Variants in NHLRC1 observed in about 807,000 individuals in gnomAD.
The protein encoded by NHLRC1 is E3 ubiquitin-protein ligase NHLRC1.
A neutral mutation model predicts 14.6 loss-of-function variants in NHLRC1; 10 were observed. The ratio of observed to expected loss-of-function variants is 0.69; its 90% CI spans 0.42 to 1.17. The LOEUF (loss-of-function observed/expected upper bound fraction) is 1.17. NHLRC1 is among the 50% of genes most tolerant of loss of function. NHLRC1 has a pLI of 0.00. For synonymous variants in NHLRC1, 231 were observed against 224.0 expected (o/e 1.03, Z -0.28); for missense variants, 526 against 522.9 (o/e 1.01, Z -0.06).
In NHLRC1 at chr6:18,121,664, A is replaced by G. The variant is rs762064606; in HGVS notation, c.943T>C (p.Tyr315His). The G allele has an allele frequency of 1.2e-6, 2 of 1,614,162 alleles. No homozygotes were observed. Among genetic ancestry groups the G allele is most frequent in the South Asian group, 1.1e-5 (1 of 91,086 alleles). Residue 315 changes from tyrosine to histidine, a missense_variant, in exon 1 of 1, where the codon TAC becomes CAC. Transcript: ENST00000340650. This position sits in a 1 kb window ranked among gnomAD's most constrained non-coding sequence, Gnocchi z 4.7. ...GAGGCAGTTATTTTGGAGGGAAAGT[A>G]GAGGCTCAGCCCAAAGGTATCCACT... ...GQVDTFGLSLYFPSKITASAV... is the reference protein window; with the variant it reads ...GQVDTFGLSLHFPSKITASAV...
At position 18,121,410 on chromosome 6, in the gene NHLRC1, C is replaced by T. The variant is rs981548932; in HGVS notation, c.*9G>A. 2.5e-6 allele frequency: 4 copies of T among 1,609,320 alleles called. No homozygotes were observed. The highest frequency in any genetic ancestry group is 3.4e-6 in the Non-Finnish European group (4 of 1,175,852). ...AGTGCTTCTGATTCCAGGGACCCAC[C>T]CCAGCCCATCACCCCCAGTCAACTT... On this transcript the variant is annotated 3_prime_UTR_variant, in exon 1 of 1. Coordinates refer to ENST00000340650, the MANE Select transcript of NHLRC1 (RefSeq NM_198586.3). The surrounding 1 kb of genome is among the most constrained non-coding windows in gnomAD (Gnocchi z 4.7).
rs1422730903 is a variant in NHLRC1 at position 18,121,498 on chromosome 6, G to T, written c.1109C>A (p.Thr370Asn). The change falls in exon 1 of 1, where the codon ACC becomes AAC. Residue 370 changes from threonine (T) to asparagine (N), a missense_variant. Thr to Asn is a moderately conservative substitution (Grantham distance 65, BLOSUM62 0). Transcript: ENST00000340650. This position sits in a 1 kb window ranked among gnomAD's most constrained non-coding sequence, Gnocchi z 4.7. The part of the protein sequence containing the change: ...THGLSHPVAL[T>N]FTKENSLLVL... The stretch of plus-strand genomic sequence containing the variant: ...AAGAAGAGAATTCTCCTTGGTGAAG[G>T]TAAGAGCCACAGGATGCGAAAGACC... The T allele has an allele frequency of 2.5e-6, 4 of 1,614,206 alleles. No homozygotes were observed. The highest frequency in any genetic ancestry group is 1.1e-5 in the South Asian group (1 of 91,084).
chr6:18,120,765 T>C lies in NHLRC1; in HGVS notation c.*654A>G, dbSNP rs1372712844. On this transcript the variant is annotated 3_prime_UTR_variant, in exon 1 of 1. Transcript: ENST00000340650. The stretch of plus-strand genomic sequence containing the variant: ...TGTTGTCTTATTTAAGCGCAACTTA[T>C]TTGGAATCAGAATTGAATTCAAATT... 1 of 153,272 alleles carries C rather than the reference T, an allele frequency of 6.5e-6. No individual in the cohort carries two copies. Among genetic ancestry groups the C allele is most frequent in the Non-Finnish European group, 1.5e-5 (1 of 68,784 alleles). 9.5% of individuals were successfully genotyped at this position (153,272 alleles called of 1,614,324 possible). A position where few individuals can be genotyped will look rare whatever the true frequency, so the allele number is the denominator to read the frequency against.
rs772440533 is a variant in NHLRC1, at chr6:18,122,286, G to C, written c.321C>G (p.Ala107=). 1 of 1,598,448 alleles carries C rather than the reference G, an allele frequency of 6.3e-7. No individual in the cohort carries two copies. The highest frequency in any genetic ancestry group is 1.1e-5 in the South Asian group (1 of 90,784). ...AGGTGAGGGCTCCGGGGGCGCTGGG[G>C]GCGGCGCGATGGGCGGCCGGGGACT... ...LRQSPAAHRA[A]PSAPGALTCH... Residue 107 remains alanine, a synonymous_variant, in exon 1 of 1, where the codon GCC becomes GCG. Coordinates refer to ENST00000340650, the MANE Select transcript of NHLRC1 (RefSeq NM_198586.3).
chr6:18,122,026 C>T lies in NHLRC1; in HGVS notation c.581G>A (p.Gly194Asp). 4 of 1,614,202 alleles carry T rather than the reference C, an allele frequency of 2.5e-6. No homozygotes were observed. The highest frequency in any genetic ancestry group is 3.4e-6 in the Non-Finnish European group (4 of 1,180,028). ...ATCAAACACTTTGATGGAGCGATCGCCGGCGTCAGTGACAACCACATGGCA... is the reference window on the plus strand; with the variant it reads ...ATCAAACACTTTGATGGAGCGATCGTCGGCGTCAGTGACAACCACATGGCA... ...NDCHVVVTDA[G>D]DRSIKVFDFF... The change falls in exon 1 of 1, where the codon GGC becomes GAC. Residue 194 changes from glycine (G) to aspartate (D), a missense_variant. Gly to Asp is a moderately conservative substitution (Grantham distance 94, BLOSUM62 -1). Transcript: ENST00000340650.
rs1429436949 is a variant in NHLRC1 at position 18,122,637 on chromosome 6, C to G, written c.-31G>C. On this transcript the variant is annotated 5_prime_UTR_variant, in exon 1 of 1. Transcript: ENST00000340650. ...GTCCTGTGCACTCCCGCCGCGCCGC[C>G]TGGCCGTGCCCCAGCGACGCTCTCG... The G allele has an allele frequency of 6.4e-7, 1 of 1,566,610 alleles. No individual in the cohort carries two copies. Among genetic ancestry groups the G allele is most frequent in the African/African-American group, 1.3e-5 (1 of 74,216 alleles).
chr6:18,122,300 C>T lies in NHLRC1; in HGVS notation c.307G>A (p.Ala103Thr), dbSNP rs568131096. The change falls in exon 1 of 1, where the codon GCC becomes ACC. Residue 103 changes from alanine to threonine, a missense_variant. Physicochemically the swap from Ala to Thr is moderately conservative, Grantham distance 58. Transcript: ENST00000340650. ...LGSALRQSPAAHRAAPSAPGA... is the reference protein window; with the variant it reads ...LGSALRQSPATHRAAPSAPGA... ...GGGGCGCTGGGGGCGGCGCGATGGGCGGCCGGGGACTGGCGAAGCGCTGAG... is the reference window on the plus strand; with the variant it reads ...GGGGCGCTGGGGGCGGCGCGATGGGTGGCCGGGGACTGGCGAAGCGCTGAG... 6.3e-7 allele frequency: 1 copy of T among 1,591,652 alleles called. No individual in the cohort carries two copies. Among genetic ancestry groups the T allele is most frequent in the Non-Finnish European group, 8.5e-7 (1 of 1,175,698 alleles).
chr6:18,122,007 C>T lies in NHLRC1; in HGVS notation c.600G>A (p.Val200=). The change falls in exon 1 of 1, where the codon GTG becomes GTA. Residue 200 remains valine, a synonymous_variant. Coordinates refer to ENST00000340650, the MANE Select transcript of NHLRC1 (RefSeq NM_198586.3). ...GCTTGATCTGGCCAAAAAAATCAAA[C>T]ACTTTGATGGAGCGATCGCCGGCGT... ...VTDAGDRSIK[V]FDFFGQIKLV... is the part of the protein sequence containing the mutation. 6.2e-7 allele frequency: 1 copy of T among 1,614,220 alleles called. No homozygotes were observed.
chr6:18,121,099 C>G lies in NHLRC1; in HGVS notation c.*320G>C. On this transcript the variant is annotated 3_prime_UTR_variant, in exon 1 of 1. Transcript: ENST00000340650. The surrounding 1 kb of genome is among the most constrained non-coding windows in gnomAD (Gnocchi z 4.7). ...GTGGAAGGACCACCTGAGCGGGGGA[C>G]GTTGAAACTGTAGTGAGCTGTGATC... is the stretch of plus-strand genomic sequence containing the variant. The G allele has an allele frequency of 2.9e-6, 1 of 343,386 alleles. No homozygotes were observed. Among genetic ancestry groups the G allele is most frequent in the Admixed American group, 4.4e-5 (1 of 22,524 alleles). The allele number at this position is 343,386 out of a possible 1,614,324, so 21.3% of individuals were successfully genotyped here.
In NHLRC1 at chr6:18,121,695, G is replaced by A. The variant is rs1413834379; in HGVS notation, c.912C>T (p.Val304=). The A allele has an allele frequency of 6.2e-7, 1 of 1,613,978 alleles. No homozygotes were observed. Among genetic ancestry groups the A allele is most frequent in the East Asian group, 2.2e-5 (1 of 44,898 alleles). ...TCAGCCCAAAGGTATCCACTTGGCC[G>A]ACAAGCTGCATACTTGAGCTAAACA... ...VKVFSSSMQL[V]GQVDTFGLSL... Residue 304 remains valine (V), a synonymous_variant, in exon 1 of 1, where the codon GTC becomes GTT. Coordinates refer to ENST00000340650, the MANE Select transcript of NHLRC1 (RefSeq NM_198586.3). This position sits in a 1 kb window ranked among gnomAD's most constrained non-coding sequence, Gnocchi z 4.7.
rs372993582 is a variant in NHLRC1, at chr6:18,121,531, A to T, written c.1076T>A (p.Val359Asp). ...PEEFPVPKPMVTHGLSHPVAL... is the reference protein window; with the variant it reads ...PEEFPVPKPMDTHGLSHPVAL... ...CACAGGATGCGAAAGACCATGAGTG[A>T]CCATGGGCTTCGGTACTGGAAACTC... is the stretch of plus-strand genomic sequence containing the variant. Residue 359 changes from valine (V) to aspartate (D), a missense_variant, in exon 1 of 1, where the codon GTC becomes GAC. Physicochemically the swap from Val to Asp is radical, Grantham distance 152 (BLOSUM62 -3). Coordinates refer to ENST00000340650, the MANE Select transcript of NHLRC1 (RefSeq NM_198586.3). The surrounding 1 kb of genome is among the most constrained non-coding windows in gnomAD (Gnocchi z 4.7). 19 of 1,613,974 alleles carry T rather than the reference A, an allele frequency of 1.2e-5. No homozygotes were observed. The highest frequency in any genetic ancestry group is 1.5e-5 in the Non-Finnish European group (18 of 1,179,956).
rs1783728606 is a variant in NHLRC1, at chr6:18,121,338, G to A, written c.*81C>T. 2.8e-6 allele frequency: 3 copies of A among 1,061,372 alleles called. No individual in the cohort carries two copies. The highest frequency in any genetic ancestry group is 4.3e-6 in the Non-Finnish European group (3 of 692,240). The allele number at this position is 1,061,372 out of a possible 1,614,324, so 65.7% of individuals were successfully genotyped here. A position where few individuals can be genotyped will look rare whatever the true frequency, so the allele number is the denominator to read the frequency against. ...TAATTATCCCTGCCTGGATAGATGAGTTTAAGTGACTTATCCAGGGTTAAA... is the reference window on the plus strand; with the variant it reads ...TAATTATCCCTGCCTGGATAGATGAATTTAAGTGACTTATCCAGGGTTAAA... On this transcript the variant is annotated 3_prime_UTR_variant, in exon 1 of 1. Transcript: ENST00000340650. This position sits in a 1 kb window ranked among gnomAD's most constrained non-coding sequence, Gnocchi z 4.7.
Position 18,121,087 on chromosome 6 carries a change from C to A in NHLRC1, c.*332G>T, listed in dbSNP as rs140122442. The A allele has an allele frequency of 2.3e-3, 717 of 318,634 alleles. 4 individuals carry two copies. The highest frequency in any genetic ancestry group is 0.022 in the Middle Eastern group (20 of 930). 19.7% of individuals were successfully genotyped at this position (318,634 alleles called of 1,614,324 possible). A position where few individuals can be genotyped will look rare whatever the true frequency, so the allele number is the denominator to read the frequency against. On this transcript the variant is annotated 3_prime_UTR_variant, in exon 1 of 1. Transcript: ENST00000340650. The surrounding 1 kb of genome is among the most constrained non-coding windows in gnomAD (Gnocchi z 4.7). ...TGGGAGGCTGAGGTGGAAGGACCAC[C>A]TGAGCGGGGGACGTTGAAACTGTAG...
Position 18,122,622 on chromosome 6 carries a change from C to T in NHLRC1, c.-16G>A. On this transcript the variant is annotated 5_prime_UTR_variant, in exon 1 of 1. It adds an upstream start codon to the 5' untranslated region. Transcript: ENST00000340650. Reference sequence around the variant, plus strand: ...CGGCCGCCATGGCGCGTCCTGTGCACTCCCGCCGCGCCGCCTGGCCGTGCC... The same window carrying T: ...CGGCCGCCATGGCGCGTCCTGTGCATTCCCGCCGCGCCGCCTGGCCGTGCC... 1 of 1,583,658 alleles carries T rather than the reference C, an allele frequency of 6.3e-7. No homozygotes were observed. The highest frequency in any genetic ancestry group is 8.5e-7 in the Non-Finnish European group (1 of 1,172,916).
Position 18,121,755 on chromosome 6 carries a change from G to A in NHLRC1, c.852C>T (p.Ala284=). 1 of 1,614,038 alleles carries A rather than the reference G, an allele frequency of 6.2e-7. No individual in the cohort carries two copies. Among genetic ancestry groups the A allele is most frequent in the Non-Finnish European group, 8.5e-7 (1 of 1,180,020 alleles). The change falls in exon 1 of 1, where the codon GCC becomes GCT. Residue 284 remains alanine (A), a synonymous_variant. Coordinates refer to ENST00000340650, the MANE Select transcript of NHLRC1 (RefSeq NM_198586.3). The surrounding 1 kb of genome is among the most constrained non-coding windows in gnomAD (Gnocchi z 4.7). ...GAIAVLEHPL[A]LGTGVCSTRV... is the part of the protein sequence containing the mutation. ...TGGTGCTGCAAACCCCAGTCCCCAG[G>A]GCCAGGGGGTGCTCCAGGACCGCAA...
chr6:18,121,352 T>A lies in NHLRC1; in HGVS notation c.*67A>T, dbSNP rs1394010780. The A allele has an allele frequency of 8.3e-7, 1 of 1,210,704 alleles. No homozygotes were observed. 75.0% of individuals were successfully genotyped at this position (1,210,704 alleles called of 1,614,324 possible). A position where few individuals can be genotyped will look rare whatever the true frequency, so the allele number is the denominator to read the frequency against. The stretch of plus-strand genomic sequence containing the variant: ...TGGATAGATGAGTTTAAGTGACTTA[T>A]CCAGGGTTAAACAATTCATTAATGG... On this transcript the variant is annotated 3_prime_UTR_variant, in exon 1 of 1. Coordinates refer to ENST00000340650, the MANE Select transcript of NHLRC1 (RefSeq NM_198586.3). This position sits in a 1 kb window ranked among gnomAD's most constrained non-coding sequence, Gnocchi z 4.7.
chr6:18,122,450 C>T lies in NHLRC1; in HGVS notation c.157G>A (p.Ala53Thr), dbSNP rs1303989038. The T allele has an allele frequency of 4.4e-6, 7 of 1,595,054 alleles. No individual in the cohort carries two copies. Among genetic ancestry groups the T allele is most frequent in the Admixed American group, 1.7e-5 (1 of 59,790 alleles). The change falls in exon 1 of 1, where the codon GCC becomes ACC. Residue 53 changes from alanine to threonine, a missense_variant. Transcript: ENST00000340650. ...NLSCGHVVCL[A>T]CVAALAHPRT... ...GGGTGCGCCAGGGCGGCCACGCAGG[C>T]CAGGCAGACCACGTGGCCGCAGGAC... is the stretch of plus-strand genomic sequence containing the variant.
In NHLRC1 at chr6:18,121,782, G is replaced by A; in HGVS notation, c.825C>T (p.Ala275=). The change falls in exon 1 of 1, where the codon GCC becomes GCT. Residue 275 remains alanine (A), a synonymous_variant. Coordinates refer to ENST00000340650, the MANE Select transcript of NHLRC1 (RefSeq NM_198586.3). This position sits in a 1 kb window ranked among gnomAD's most constrained non-coding sequence, Gnocchi z 4.7. ...CCAGGGGGTGCTCCAGGACCGCAAT[G>A]GCCCCGGTGAGCCAAGACACTGCCA... ...RGVAVSWLTG[A]IAVLEHPLAL... 1 of 1,614,064 alleles carries A rather than the reference G, an allele frequency of 6.2e-7. No individual in the cohort carries two copies.
chr6:18,120,497 T>G lies in NHLRC1; in HGVS notation c.*922A>C, dbSNP rs1235466080. 6.6e-6 allele frequency: 1 copy of G among 152,360 alleles called. No individual in the cohort carries two copies. The highest frequency in any genetic ancestry group is 1.5e-5 in the Non-Finnish European group (1 of 68,038). 9.4% of individuals were successfully genotyped at this position (152,360 alleles called of 1,614,324 possible). A position where few individuals can be genotyped will look rare whatever the true frequency, so the allele number is the denominator to read the frequency against. ...TATAGGCGTTAAAAGACATGTTTACTTTTTTAATAAGCAGTTCAATTGTTT... is the reference window on the plus strand; with the variant it reads ...TATAGGCGTTAAAAGACATGTTTACGTTTTTAATAAGCAGTTCAATTGTTT... On this transcript the variant is annotated 3_prime_UTR_variant, in exon 1 of 1. Coordinates refer to ENST00000340650, the MANE Select transcript of NHLRC1 (RefSeq NM_198586.3).
Sources: gnomAD v4.1 joint callset for allele counts on GRCh38, gnomAD v4.1.1 for gene constraint, Gnocchi (gnomAD v3.1) non-coding constraint, MANE v1.5 for transcripts, NCBI Gene and HGNC (gene_info 2026-07-23, HGNC 2026-07-21) for gene names.